ARAP2: variants seen among roughly 807,000 people sequenced by gnomAD.
The protein encoded by ARAP2 is ArfGAP with RhoGAP domain, ankyrin repeat and PH domain 2, also known as arf-GAP with Rho-GAP domain, ANK repeat and PH domain-containing protein 2.
Under a neutral mutation model 194.5 loss-of-function variants are expected in ARAP2, and 148 were observed. The ratio of observed to expected loss-of-function variants is 0.76; its 90% CI spans 0.67 to 0.87. ARAP2 has a LOEUF of 0.87. ARAP2 is among the 40% of genes least tolerant of loss of function. The pLI is 0.00. For synonymous variants in ARAP2, 695 were observed against 683.5 expected (o/e 1.02, Z -0.26); for missense variants, 2,128 against 1,989.7 (o/e 1.07, Z -1.32).
intron 27 of ARAP2, among the ~76,000 whole-genome samples, chr4:36,097,942 T>C (rs1485521672): frequency 6.6e-6 from 1 of 152,060 alleles, no homozygotes; most frequent in Admixed American, 6.6e-5. Flanking sequence ...GTTATTAATT[T>C]AGAAAAGCTC....
chr4:36,082,129 C>A, intron 30 of ARAP2, 122 bp downstream of exon 30: 1 of 878,152 alleles, frequency 1.1e-6, no homozygotes, highest in East Asian at 2.7e-5. Context: ...TTACAAACAA[C>A]CCTAATTTCA....
chr4:36,109,031 A>G (rs971233976), intron 26 of ARAP2, among the ~76,000 whole-genome samples: 1 of 152,018 alleles, frequency 6.6e-6, no homozygotes, highest in African/African-American at 2.4e-5. Flanking sequence ...TCATACTTGT[A>G]TGATCCATCA....
chr4:36,145,714 T>C (rs1729474234), intron 19 of ARAP2, among the ~76,000 whole-genome samples: 1 of 151,984 alleles, frequency 6.6e-6, no homozygotes, highest in Admixed American at 6.6e-5. Flanking sequence ...GTCTTCCTTA[T>C]TGCTCTGGTA....
chr4:36,050,409 G>A (rs970240149), intron 3 of ARAP2, among the ~76,000 whole-genome samples: 44 of 152,030 alleles, frequency 2.9e-4, no homozygotes, highest in African/African-American at 1.0e-3. Context: ...CAAAATAAGG[G>A]TATTCCAAAC....
chr4:36,219,116 T>G (rs951741360), intron 2 of ARAP2, among the ~76,000 whole-genome samples: 1 of 152,192 alleles, frequency 6.6e-6, no homozygotes, highest in Admixed American at 6.5e-5. Context: ...ACATACACTG[T>G]TGATGGTAAT....
intron 29 of ARAP2, 59 bp from the exon 30 acceptor site, chr4:36,082,345 G>A (rs1176568963): frequency 3.3e-6 from 5 of 1,509,360 alleles, no homozygotes; most frequent in Admixed American, 3.7e-5. Context: ...TTACAAGACA[G>A]AAAACAGGAT....
chr4:36,226,013 C>G (rs75553028), intron 2 of ARAP2, among the ~76,000 whole-genome samples: 82 of 152,044 alleles, frequency 5.4e-4, no homozygotes, highest in Non-Finnish European at 1.0e-3. Context: ...GGAAGGAGCA[C>G]AAGGAAAAAC....
intron 1 of ARAP2, among the ~76,000 whole-genome samples, chr4:36,234,814 C>T (rs1176922015): frequency 6.6e-6 from 1 of 152,094 alleles, no homozygotes; most frequent in Non-Finnish European, 1.5e-5. Flanking sequence ...TAAACTCTGC[C>T]AACAGGACAA....
intron 27 of ARAP2, among the ~76,000 whole-genome samples, chr4:36,094,468 G>A (rs1714648243): frequency 6.6e-6 from 1 of 151,946 alleles, no homozygotes; most frequent in Non-Finnish European, 1.5e-5. Flanking sequence ...CCAAGAACCT[G>A]TTCAATCTCT....
At chr4:36,151,906 GAATT>G (rs1305369349) in intron 15 of ARAP2, among the ~76,000 whole-genome samples, 3 of 152,236 alleles carry the variant, frequency 2.0e-5, no homozygotes, top group African/African-American at 7.2e-5. Flanking sequence ...ATGTATATGA[GAATT>G]ATTTGAGCTA....
At chr4:36,112,515 T>C (rs1720271916) in intron 26 of ARAP2, among the ~76,000 whole-genome samples, 1 of 151,918 alleles carries the variant, frequency 6.6e-6, no homozygotes, top group African/African-American at 2.4e-5. Flanking sequence ...CAGTTAATCT[T>C]TACGCACAAA....
At chr4:36,143,805 T>C (rs1728935846) in intron 19 of ARAP2, among the ~76,000 whole-genome samples, 2 of 151,872 alleles carry the variant, frequency 1.3e-5, no homozygotes, top group Admixed American at 6.6e-5. Context: ...TTCATAAAAA[T>C]ACTTTGAACA....
In ARAP2 at chr4:36,132,694, C is replaced by T. The variant is rs749738353; in HGVS notation, c.3427+532G>A. Among the ~76,000 whole-genome samples the T allele has an allele frequency of 9.9e-4, 150 of 151,686 alleles. 2 individuals carry two copies. The highest frequency in any genetic ancestry group is 5.9e-4 in the Admixed American group (9 of 15,164). ...GATCAATGTATTTTTTATCTGCAAA[C>T]GATTCATTGAAATATCTGTTGAAAA... is the stretch of plus-strand genomic sequence containing the variant. On this transcript the variant is annotated intron_variant, in intron 20 of 32. Coordinates refer to ENST00000303965, the MANE Select transcript of ARAP2 (RefSeq NM_015230.4).
chr4:36,111,427 C>G (rs1452009514), intron 26 of ARAP2, among the ~76,000 whole-genome samples: 1 of 151,944 alleles, frequency 6.6e-6, no homozygotes, highest in Non-Finnish European at 1.5e-5. Flanking sequence ...GAGGTTTTCC[C>G]TTACTGCAAT....
At chr4:36,073,015 C>T (rs752616374) in intron 32 of ARAP2, among the ~76,000 whole-genome samples, 1 of 152,106 alleles carries the variant, frequency 6.6e-6, no homozygotes, top group African/African-American at 2.4e-5. Flanking sequence ...CTTCTAACTG[C>T]TTTTCTTTTT....
At chr4:36,118,140 G>T (rs966472325) in intron 24 of ARAP2, among the ~76,000 whole-genome samples, 2 of 151,206 alleles carry the variant, frequency 1.3e-5, no homozygotes, top group Non-Finnish European at 3.0e-5. Flanking sequence ...GGCATTACAG[G>T]CTTAGAAAAG....
At chr4:36,017,564 T>TTAAAAA (rs1553863575) in intron 6 of ARAP2, among the ~76,000 whole-genome samples, 4 of 42,574 alleles carry the variant, frequency 9.4e-5, no homozygotes, top group African/African-American at 4.6e-4. Context: ...AAGAAAGTGG[T>TTAAAAA]AAAAAAAAAA....
At chr4:36,113,127 A>C (rs374265031) in intron 26 of ARAP2, among the ~76,000 whole-genome samples, 29 of 152,066 alleles carry the variant, frequency 1.9e-4, no homozygotes, top group East Asian at 1.4e-3. Flanking sequence ...TTAACAATAA[A>C]TGCCACAGAA....
At chr4:36,160,738 T>C in intron 12 of ARAP2, 97 bp from the exon 13 acceptor site, 1 of 1,037,398 alleles carries the variant, frequency 9.6e-7, no homozygotes, top group Non-Finnish European at 1.3e-6. Flanking sequence ...AAGCATAACT[T>C]AGTATAAAAT....
Sources: allele counts gnomAD v4.1 joint callset (sites outside exome capture counted in the v4.1 genomes callset), GRCh38; gene constraint gnomAD v4.1.1; transcripts MANE v1.5; gene names NCBI Gene and HGNC (gene_info 2026-07-23, HGNC 2026-07-21).